NTRK2: variants seen among roughly 807,000 people sequenced by gnomAD.
The protein encoded by NTRK2 is neurotrophic receptor tyrosine kinase 2, also known as BDNF/NT-3 growth factors receptor.
In NTRK2, 13 loss-of-function variants were observed where a neutral mutation model predicts 94.5. That is an observed-to-expected ratio of 0.14 (90% CI 0.09 to 0.22). The LOEUF (loss-of-function observed/expected upper bound fraction) is 0.22. Among genes scored for constraint, NTRK2 ranks in the 10% least tolerant of loss-of-function variants. The pLI is 1.00. For synonymous variants in NTRK2, 372 were observed against 407.4 expected, an observed-to-expected ratio of 0.91 and a Z score of 1.05; for missense variants, 639 against 1,071.2, an observed-to-expected ratio of 0.60 and a Z score of 5.63.
chr9:84,823,429 T>G (rs2131597254), intron 12 of NTRK2, among the ~76,000 whole-genome samples: 1 of 152,356 alleles, frequency 6.6e-6, no homozygotes, highest in Middle Eastern at 3.4e-3. Context: ...TCTTACACAA[T>G]TACTCACTCC....
rs2068740830 is a variant in NTRK2, at chr9:84,791,591, A to AATAT, written c.1396+39507_1396+39510dup. Among the ~76,000 whole-genome samples, 3 of 152,220 alleles carry AATAT rather than the reference A, an allele frequency of 2.0e-5. No homozygotes were observed. In the South Asian group the frequency reaches 6.2e-4, roughly 31 times the overall value. On this transcript the variant is annotated intron_variant, in intron 12 of 18. Coordinates refer to ENST00000277120, the MANE Select transcript of NTRK2 (RefSeq NM_006180.6). ...GAGAACACATGTGGTTTCCAGTCAA[A>AATAT]ATATCATGCAAATATTTTGAAATAT...
intron 14 of NTRK2, among the ~76,000 whole-genome samples, chr9:84,870,331 G>GTATATATA (rs1158637577): frequency 0.018 from 560 of 31,132 alleles, 20 homozygotes; most frequent in Middle Eastern, 0.083. Context: ...GTGTGTGTGT[G>GTATATATA]TATATATATA....
intron 14 of NTRK2, among the ~76,000 whole-genome samples, chr9:84,898,933 C>G (rs1457906715): frequency 2.0e-5 from 3 of 152,122 alleles, no homozygotes; most frequent in African/African-American, 7.2e-5. Flanking sequence ...AACTCCTGAC[C>G]TTAGGTGATC....
intron 12 of NTRK2, among the ~76,000 whole-genome samples, chr9:84,790,866 C>G (rs1374725963): frequency 6.6e-6 from 1 of 152,192 alleles, no homozygotes; most frequent in African/African-American, 2.4e-5. Flanking sequence ...AAAAGGATCC[C>G]TGGCTATAAC....
chr9:84,856,903 A>G (rs2075090521), intron 12 of NTRK2, among the ~76,000 whole-genome samples: 1 of 152,226 alleles, frequency 6.6e-6, no homozygotes. Context: ...AAAAATATCC[A>G]GAAGCTGTTC....
rs202167201 is a variant in NTRK2 at position 84,810,663 on chromosome 9, G to A, written c.1397-50377G>A. 9.3e-6 allele frequency: 15 copies of A among 1,609,300 alleles called. No homozygotes were observed. The South Asian group carries it at 1.3e-4, about 14-fold the overall frequency. On this transcript the variant is annotated intron_variant, in intron 12 of 18. Transcript: ENST00000277120. ...TGTAAGCTGGACTCCTGGGACTGCT[G>A]TTGGCTTATCCCGGGAAGTGCTGCT... is the stretch of plus-strand genomic sequence containing the variant.
At chr9:84,698,515 T>A (rs2060528936) in intron 2 of NTRK2, among the ~76,000 whole-genome samples, 1 of 151,804 alleles carries the variant, frequency 6.6e-6, no homozygotes, top group Non-Finnish European at 1.5e-5. Flanking sequence ...TTACAATGAC[T>A]CTTCTTGAGT....
intron 17 of NTRK2, among the ~76,000 whole-genome samples, chr9:84,997,785 G>T (rs1373535797): frequency 6.6e-6 from 1 of 152,142 alleles, no homozygotes; most frequent in East Asian, 1.9e-4. Flanking sequence ...GGGTGGGGCT[G>T]GGGGGTGTTC....
chr9:84,855,092 T>C (rs192732526), intron 12 of NTRK2, among the ~76,000 whole-genome samples: 1 of 151,572 alleles, frequency 6.6e-6, no homozygotes, highest in Admixed American at 6.6e-5. Flanking sequence ...ACCGAGTAGG[T>C]TGGCCTTGTC....
intron 12 of NTRK2, chr9:84,812,274 T>A (rs1253883193): frequency 9.5e-7 from 1 of 1,056,408 alleles, no homozygotes; most frequent in African/African-American, 1.7e-5. Context: ...AGCCACTAAA[T>A]ACGTTATTGC....
chr9:84,844,230 T>C (rs1308232019), intron 12 of NTRK2, among the ~76,000 whole-genome samples: 3 of 152,220 alleles, frequency 2.0e-5, no homozygotes, highest in East Asian at 3.8e-4. Context: ...GAGGCTAGAA[T>C]AGGCCATAGC....
chr9:84,727,802 A>G lies in NTRK2; in HGVS notation c.1002A>G (p.Ile334Met). The change falls in exon 9 of 19, where the codon ATA becomes ATG. Residue 334 changes from isoleucine to methionine, a missense_variant. By Grantham distance (10) the Ile-to-Met change is conservative (BLOSUM62 1). Coordinates refer to ENST00000277120, the MANE Select transcript of NTRK2 (RefSeq NM_006180.6). ...LNESKYICTK[I>M]HVTNHTEYHG... ...AGTCCAAATACATCTGTACTAAAAT[A>G]CATGTTACCAATCACACGGAGTACC... 1 of 1,614,178 alleles carries G rather than the reference A, an allele frequency of 6.2e-7. No individual in the cohort carries two copies. The highest frequency in any genetic ancestry group is 8.5e-7 in the Non-Finnish European group (1 of 1,180,034).
At chr9:84,874,227 T>G (rs1419602412) in intron 14 of NTRK2, 1 of 1,065,314 alleles carries the variant, frequency 9.4e-7, no homozygotes, top group Admixed American at 5.3e-5. Context: ...AGTAGCCTCC[T>G]ATGTTGCTAA....
chr9:85,015,249 C>T (rs1403933748), intron 17 of NTRK2, among the ~76,000 whole-genome samples: 1 of 152,118 alleles, frequency 6.6e-6, no homozygotes, highest in Non-Finnish European at 1.5e-5. Flanking sequence ...ATGGACACTC[C>T]CCCTGTCTAC....
At chr9:84,908,386 A>T (rs985550580) in intron 14 of NTRK2, among the ~76,000 whole-genome samples, 2 of 151,984 alleles carry the variant, frequency 1.3e-5, no homozygotes, top group African/African-American at 4.9e-5. Flanking sequence ...TACAATGAAC[A>T]TCTATTACTT....
chr9:85,009,071 G>A (rs906748981), intron 17 of NTRK2, among the ~76,000 whole-genome samples: 6 of 152,192 alleles, frequency 3.9e-5, no homozygotes, highest in African/African-American at 9.6e-5. Flanking sequence ...AGGAAACCAC[G>A]TCTGTAGACT....
intron 12 of NTRK2, chr9:84,813,994 A>G (rs907291254): frequency 2.8e-6 from 3 of 1,065,142 alleles, no homozygotes; most frequent in Non-Finnish European, 3.4e-6. Flanking sequence ...AAAAGTACAA[A>G]CAGTCTGAGG....
intron 12 of NTRK2, among the ~76,000 whole-genome samples, chr9:84,800,628 A>G (rs537870297): frequency 7.2e-5 from 11 of 152,348 alleles, no homozygotes; most frequent in African/African-American, 2.6e-4. Flanking sequence ...CAGAATTGGA[A>G]CTAAAGCCAT....
At chr9:84,747,776 T>C (rs2064224604) in intron 11 of NTRK2, among the ~76,000 whole-genome samples, 1 of 152,176 alleles carries the variant, frequency 6.6e-6, no homozygotes, top group Admixed American at 6.5e-5. Flanking sequence ...CCACCGCACC[T>C]GGCCTTCTGG....
Sources: gnomAD v4.1 joint callset for allele counts (sites outside exome capture counted in the v4.1 genomes callset) on GRCh38, gnomAD v4.1.1 for gene constraint, MANE v1.5 for transcripts, NCBI Gene and HGNC (gene_info 2026-07-23, HGNC 2026-07-21) for gene names.